NRK: variants seen among roughly 807,000 people sequenced by gnomAD.
The protein encoded by NRK is Nik related kinase.
Under a neutral mutation model 125.2 loss-of-function variants are expected in NRK, and 67 were observed. The ratio of observed to expected loss-of-function variants is 0.54; its 90% CI spans 0.44 to 0.66. The LOEUF (loss-of-function observed/expected upper bound fraction) is 0.66. NRK is among the 30% of genes least tolerant of loss of function. The pLI is 0.00. For missense variants in NRK, 1,224 were observed against 1,192.9 expected, an observed-to-expected ratio of 1.03 and a Z score of -0.38; for synonymous variants, 458 against 429.0, an observed-to-expected ratio of 1.07 and a Z score of -0.84.
chrX:105,883,737 T>C (rs1204770080), intron 4 of NRK, among the ~76,000 whole-genome samples: 1 of 112,816 alleles, frequency 8.9e-6, no homozygotes, highest in African/African-American at 3.2e-5. Context: ...TCTCTTTCAC[T>C]TGTTCTTTGT....
At chrX:105,826,506 T>C (rs750688744) in intron 1 of NRK, among the ~76,000 whole-genome samples, 23 of 102,748 alleles carry the variant, frequency 2.2e-4, no homozygotes, top group Admixed American at 5.8e-4. Flanking sequence ...TTGCCTTCTG[T>C]GCCCAGTATG....
intron 6 of NRK, chrX:105,895,201 T>A (rs1451393516): frequency 2.0e-6 from 1 of 506,491 alleles, no homozygotes; most frequent in African/African-American, 2.4e-5. Context: ...GCTCTTTTTT[T>A]TCGTGGGTGT....
At position 105,956,430 on chromosome X, in the gene NRK, C is replaced by T. The variant is rs1038822011; in HGVS notation, c.*830C>T. ...TTAAGGTAGGCGTCAAATTCTACTC[C>T]CCAAAGCAGAGATAGATTGATTTAT... is the stretch of plus-strand genomic sequence containing the variant. On this transcript the variant is annotated 3_prime_UTR_variant, in exon 29 of 29. Coordinates refer to ENST00000243300, the MANE Select transcript of NRK (RefSeq NM_198465.4). 2.7e-5 allele frequency: 3 copies of T among 111,493 alleles called. No individual in the cohort carries two copies. Among genetic ancestry groups the T allele is most frequent in the African/African-American group, 9.8e-5 (3 of 30,577 alleles). 9.2% of individuals were successfully genotyped at this position (111,493 alleles called of 1,213,427 possible).
At chrX:105,858,695 A>C (rs1371943047) in intron 2 of NRK, among the ~76,000 whole-genome samples, 1 of 110,978 alleles carries the variant, frequency 9.0e-6, no homozygotes, top group African/African-American at 3.3e-5. Flanking sequence ...ATTTGGGGGA[A>C]GGGTAGGAGG....
chrX:105,845,664 G>A (rs1258240042), intron 2 of NRK, among the ~76,000 whole-genome samples: 3 of 111,847 alleles, frequency 2.7e-5, no homozygotes, highest in Non-Finnish European at 5.6e-5. Context: ...ACAACGTCAT[G>A]TTAAGAAACA....
At chrX:105,928,590 A>G (rs1248933666) in intron 19 of NRK, among the ~76,000 whole-genome samples, 1 of 110,290 alleles carries the variant, frequency 9.1e-6, no homozygotes, top group African/African-American at 3.3e-5. Flanking sequence ...ATTGTTATTC[A>G]AAATCTTTCT....
intron 2 of NRK, among the ~76,000 whole-genome samples, chrX:105,838,651 C>T (rs1385390112): frequency 4.5e-5 from 5 of 111,293 alleles, no homozygotes; most frequent in African/African-American, 1.6e-4. Context: ...TTGCCATGTA[C>T]GCTGATGCCT....
intron 5 of NRK, among the ~76,000 whole-genome samples, chrX:105,892,788 G>GA (rs2040031792): frequency 9.0e-6 from 1 of 111,566 alleles, no homozygotes; most frequent in Non-Finnish European, 1.9e-5. Context: ...AATATCAATG[G>GA]TGAATAACCG....
rs2040477406 is a variant in NRK, at chrX:105,923,290, C to T, written c.2783C>T (p.Ala928Val). 4.2e-6 allele frequency: 5 copies of T among 1,193,971 alleles called. No individual in the cohort carries two copies. Among genetic ancestry groups the T allele is most frequent in the African/African-American group, 3.5e-5 (2 of 56,713 alleles). The change falls in exon 18 of 29, where the codon GCT becomes GTT. Residue 928 changes from alanine (A) to valine (V), a missense_variant. Ala to Val is a moderately conservative substitution (Grantham distance 64, BLOSUM62 0). Coordinates refer to ENST00000243300, the MANE Select transcript of NRK (RefSeq NM_198465.4). ...GDYVELYDAS[A>V]DTDGDDDDES... Reference sequence around the variant, plus strand: ...TATGTTGAACTCTATGATGCCAGTGCTGATACTGATGGTGATGATGATGAT... The same window carrying T: ...TATGTTGAACTCTATGATGCCAGTGTTGATACTGATGGTGATGATGATGAT...
chrX:105,917,715 A>T, intron 16 of NRK, 43 bp downstream of exon 16: 1 of 635,364 alleles, frequency 1.6e-6, no homozygotes, highest in Non-Finnish European at 2.4e-6. Context: ...ACACAGAGCT[A>T]CTGTTTAACA....
At chrX:105,846,820 G>A (rs188025416) in intron 2 of NRK, among the ~76,000 whole-genome samples, 15 of 112,111 alleles carry the variant, frequency 1.3e-4, no homozygotes, top group Admixed American at 9.5e-5. Context: ...ATAAGTCTTA[G>A]ATTCTAGCCA....
chrX:105,908,612 A>G, intron 12 of NRK, 115 bp from the exon 13 acceptor site: 1 of 987,761 alleles, frequency 1.0e-6, no homozygotes, highest in Non-Finnish European at 1.3e-6. Flanking sequence ...AGGTTTACTG[A>G]AGGTATCTTC....
At chrX:105,921,802 G>A (rs1425521566) in intron 16 of NRK, among the ~76,000 whole-genome samples, 162 bp from the exon 17 acceptor site, 1 of 107,902 alleles carries the variant, frequency 9.3e-6, no homozygotes, top group Non-Finnish European at 1.9e-5. Flanking sequence ...TTAAGATCCT[G>A]GCCCCATGAG....
At chrX:105,863,357 C>CACACACAT (rs372176349) in intron 2 of NRK, among the ~76,000 whole-genome samples, 1,757 of 106,478 alleles carry the variant, frequency 0.017, 54 homozygotes, top group African/African-American at 0.052. Flanking sequence ...CACACACACA[C>CACACACAT]ATACTATTTT....
rs752809167 is a variant in NRK, at chrX:105,874,139, C to A, written c.124-6060C>A. Among the ~76,000 whole-genome samples, 49 of 111,150 alleles carry A rather than the reference C, an allele frequency of 4.4e-4. 1 individual carries two copies. In the South Asian group the frequency reaches 0.018, roughly 41 times the overall value. ...GACTAAGCTCCACCTAGGGCCATCA[C>A]CTGGTCTCTGCTCTACTCCTACCCT... On this transcript the variant is annotated intron_variant, in intron 2 of 28. Transcript: ENST00000243300.
In NRK at chrX:105,946,388, T is replaced by C; in HGVS notation, c.4277T>C (p.Phe1426Ser). 1.4e-5 allele frequency: 17 copies of C among 1,194,862 alleles called. No individual in the cohort carries two copies. The highest frequency in any genetic ancestry group is 1.9e-5 in the Non-Finnish European group (17 of 880,220). Reference protein sequence around the residue: ...AIGSEKRLKIFFSSADGYHLI... With the variant: ...AIGSEKRLKISFSSADGYHLI... ...GGTTCTGAAAAAAGACTAAAGATTT[T>C]CTTCAGCTCAGCAGATGGATATCAC... Residue 1426 changes from phenylalanine to serine, a missense_variant, in exon 26 of 29, where the codon TTC (phenylalanine) becomes TCC (serine). Physicochemically the swap from Phe to Ser is radical, Grantham distance 155. Coordinates refer to ENST00000243300, the MANE Select transcript of NRK (RefSeq NM_198465.4).
Position 105,822,624 on chromosome X carries a change from A to T in NRK, c.-222A>T. The T allele has an allele frequency of 4.4e-6, 2 of 455,169 alleles. No individual in the cohort carries two copies. 37.5% of individuals were successfully genotyped at this position (455,169 alleles called of 1,213,427 possible). ...CAGGCTCCTCTCTCGCCTTAGCCCA[A>T]CTTGCTTTCCCGCCTCGCAAACTCC... On this transcript the variant is annotated 5_prime_UTR_variant, in exon 1 of 29. Coordinates refer to ENST00000243300, the MANE Select transcript of NRK (RefSeq NM_198465.4).
At chrX:105,883,082 A>T (rs189786296) in intron 4 of NRK, among the ~76,000 whole-genome samples, 38 of 112,251 alleles carry the variant, frequency 3.4e-4, no homozygotes, top group Admixed American at 3.0e-3. Flanking sequence ...CTAAGCCAGG[A>T]AATGCTGTAG....
intron 2 of NRK, among the ~76,000 whole-genome samples, chrX:105,847,437 A>G (rs1396812833): frequency 2.7e-5 from 3 of 112,737 alleles, no homozygotes; most frequent in African/African-American, 6.4e-5. Flanking sequence ...AGAAAGATTC[A>G]ATTAAATTTT....
Sources: gnomAD v4.1 joint callset for allele counts (sites outside exome capture counted in the v4.1 genomes callset) on GRCh38, gnomAD v4.1.1 for gene constraint, MANE v1.5 for transcripts, NCBI Gene and HGNC (gene_info 2026-07-23, HGNC 2026-07-21) for gene names.